The following CMPK1 variants were observed in gnomAD, a reference collection of about 807,000 sequenced individuals.
The protein encoded by CMPK1 is UMP-CMP kinase.
CMPK1 carries 10 observed loss-of-function variants against 25.7 expected under a neutral mutation model. The observed-to-expected ratio is 0.39, with a 90% CI of 0.24 to 0.66. CMPK1 has a LOEUF of 0.66. Among genes scored for constraint, CMPK1 ranks in the 30% least tolerant of loss-of-function variants. CMPK1 has a pLI of 0.48. For missense variants in CMPK1, 199 were observed against 280.5 expected, an observed-to-expected ratio of 0.71 and a Z score of 2.08; for synonymous variants, 106 against 101.5, an observed-to-expected ratio of 1.04 and a Z score of -0.27.
intron 1 of CMPK1, among the ~76,000 whole-genome samples, chr1:47,352,767 A>G (rs1186882092): frequency 6.6e-6 from 1 of 152,172 alleles, no homozygotes; most frequent in Non-Finnish European, 1.5e-5. Context: ...TCAAGAACCA[A>G]GAGGCCCATG....
chr1:47,375,366 GA>G (rs3214951), intron 5 of CMPK1, 73 bp downstream of exon 5: 1 of 958,236 alleles, frequency 1.0e-6, no homozygotes, highest in Non-Finnish European at 1.6e-6. Context: ...GGGTAAGCAG[GA>G]AAAAAAGAAA....
Position 47,378,420 on chromosome 1 carries a change from A to G in CMPK1, c.*1675A>G, listed in dbSNP as rs774212843. 6.6e-6 allele frequency: 1 copy of G among 152,214 alleles called. No individual in the cohort carries two copies. The highest frequency in any genetic ancestry group is 1.5e-5 in the Non-Finnish European group (1 of 68,024). The allele number at this position is 152,214 out of a possible 1,614,324, so 9.4% of individuals were successfully genotyped here. ...CATTCCTACTCACATAAGTGAAGAAATCTGTCAGATAGGAATCTAAATATT... is the reference window on the plus strand; with the variant it reads ...CATTCCTACTCACATAAGTGAAGAAGTCTGTCAGATAGGAATCTAAATATT... On this transcript the variant is annotated 3_prime_UTR_variant, in exon 6 of 6. Transcript: ENST00000371873.
intron 2 of CMPK1, among the ~76,000 whole-genome samples, chr1:47,372,036 A>T (rs1177065359): frequency 6.6e-6 from 1 of 151,164 alleles, no homozygotes; most frequent in Non-Finnish European, 1.5e-5. Context: ...TTTTCTTTTA[A>T]TCCTCTTCTG....
rs182713556 is a variant in CMPK1, at chr1:47,358,653, G to C, written c.172-9816G>C. On this transcript the variant is annotated intron_variant, in intron 1 of 5. Coordinates refer to ENST00000371873, the MANE Select transcript of CMPK1 (RefSeq NM_016308.3). ...TAGTTATAAAACCTTAAGCACTCTA[G>C]TTCAGTGTTCTGAGTGTGTGATTTC... 430 of 989,162 alleles carry C rather than the reference G, an allele frequency of 4.3e-4. 3 individuals are homozygous for C. In the African/African-American group the frequency reaches 7.1e-3, roughly 16 times the overall value. 61.3% of individuals were successfully genotyped at this position (989,162 alleles called of 1,614,324 possible). A position where few individuals can be genotyped will look rare whatever the true frequency, so the allele number is the denominator to read the frequency against.
intron 5 of CMPK1, among the ~76,000 whole-genome samples, chr1:47,376,125 A>G (rs1266201128): frequency 6.6e-6 from 1 of 151,838 alleles, no homozygotes; most frequent in Admixed American, 6.6e-5. Context: ...ATTTTGTCCT[A>G]AAAGCACTAA....
chr1:47,344,105 G>C (rs1487091936), intron 1 of CMPK1, among the ~76,000 whole-genome samples: 3 of 150,306 alleles, frequency 2.0e-5, no homozygotes, highest in Non-Finnish European at 4.4e-5. Flanking sequence ...GCTGCCAAAA[G>C]TTTACAATGT....
Position 47,376,853 on chromosome 1 carries a change from T to A in CMPK1, c.*108T>A. The A allele has an allele frequency of 1.6e-6, 1 of 623,986 alleles. No individual in the cohort carries two copies. The highest frequency in any genetic ancestry group is 2.9e-6 in the Non-Finnish European group (1 of 350,522). 38.7% of individuals were successfully genotyped at this position (623,986 alleles called of 1,614,324 possible). A position where few individuals can be genotyped will look rare whatever the true frequency, so the allele number is the denominator to read the frequency against. On this transcript the variant is annotated 3_prime_UTR_variant, in exon 6 of 6. Transcript: ENST00000371873. ...TAATCTTTCATAACTACATCTCAAT[T>A]AGTGGCTGGAAAGTACATGGTAAAA...
At chr1:47,354,599 C>CT (rs34592236) in intron 1 of CMPK1, among the ~76,000 whole-genome samples, 19,092 of 105,260 alleles carry the variant, frequency 0.18, 2,185 homozygotes, top group East Asian at 0.51. Context: ...TTGTGACTTG[C>CT]TTTTTTTTTT....
At chr1:47,358,184 T>C (rs1646576693) in intron 1 of CMPK1, 1 of 415,922 alleles carries the variant, frequency 2.4e-6, no homozygotes, top group Non-Finnish European at 4.8e-6. Context: ...CAGTTATAGC[T>C]TACTGCCGCC....
At chr1:47,350,884 G>A (rs1231691502) in intron 1 of CMPK1, among the ~76,000 whole-genome samples, 2 of 151,240 alleles carry the variant, frequency 1.3e-5, no homozygotes, top group Admixed American at 6.6e-5. Context: ...CTCCAGCCTG[G>A]GCGACAAAGT....
At chr1:47,334,413 C>T (rs1387636354) in intron 1 of CMPK1, among the ~76,000 whole-genome samples, 1 of 152,170 alleles carries the variant, frequency 6.6e-6, no homozygotes, top group Non-Finnish European at 1.5e-5. Context: ...GGAGAGGGAT[C>T]CCGGAGGCCA....
At chr1:47,348,114 C>T (rs116666214) in intron 1 of CMPK1, among the ~76,000 whole-genome samples, 3,203 of 152,174 alleles carry the variant, frequency 0.021, 127 homozygotes, top group African/African-American at 0.073. Flanking sequence ...CGTAGGAGTA[C>T]AGTATTTTAA....
chr1:47,351,467 A>G (rs978501507), intron 1 of CMPK1, among the ~76,000 whole-genome samples: 1 of 152,142 alleles, frequency 6.6e-6, no homozygotes, highest in Admixed American at 6.6e-5. Context: ...TATGCAGCAC[A>G]TTGTGCTTAG....
chr1:47,339,235 T>TAA (rs1268773959), intron 1 of CMPK1, among the ~76,000 whole-genome samples: 1 of 151,910 alleles, frequency 6.6e-6, no homozygotes, highest in Non-Finnish European at 1.5e-5. Flanking sequence ...GTCTCGAACT[T>TAA]CTGACCTCAG....
At chr1:47,342,894 C>T (rs1317253733) in intron 1 of CMPK1, among the ~76,000 whole-genome samples, 3 of 151,598 alleles carry the variant, frequency 2.0e-5, no homozygotes, top group Admixed American at 6.6e-5. Context: ...GTGATTCACC[C>T]GCCTCAGCCT....
At chr1:47,364,156 A>G (rs949439988) in intron 1 of CMPK1, among the ~76,000 whole-genome samples, 1 of 152,042 alleles carries the variant, frequency 6.6e-6, no homozygotes, top group Admixed American at 6.6e-5. Context: ...CTGCCTTTAG[A>G]TATGGGTTCA....
At chr1:47,346,488 T>C (rs1646484707) in intron 1 of CMPK1, among the ~76,000 whole-genome samples, 1 of 152,004 alleles carries the variant, frequency 6.6e-6, no homozygotes, top group Non-Finnish European at 1.5e-5. Flanking sequence ...TCCCTGTCTC[T>C]TTTCTTTCTC....
At chr1:47,334,209 C>T in intron 1 of CMPK1, 93 bp downstream of exon 1, 2 of 1,155,230 alleles carry the variant, frequency 1.7e-6, no homozygotes, top group Non-Finnish European at 2.2e-6. Context: ...GCGGAGTCGC[C>T]GAGCCGCAGA....
intron 1 of CMPK1, among the ~76,000 whole-genome samples, chr1:47,364,411 G>A (rs926696482): frequency 1.3e-5 from 2 of 151,050 alleles, no homozygotes; most frequent in African/African-American, 2.4e-5. Flanking sequence ...TCCGCCTCCC[G>A]GGTTCACGCC....
Sources: gnomAD v4.1 joint callset for allele counts (sites outside exome capture counted in the v4.1 genomes callset) on GRCh38, gnomAD v4.1.1 for gene constraint, MANE v1.5 for transcripts, NCBI Gene and HGNC (gene_info 2026-07-23, HGNC 2026-07-21) for gene names.